Variants in ZNF280D observed in about 807,000 individuals in gnomAD.
The protein encoded by ZNF280D is suppressor of hairy wing homolog 4.
Under a neutral mutation model 94.7 loss-of-function variants are expected in ZNF280D, and 39 were observed. The observed-to-expected ratio is 0.41, with a 90% CI of 0.32 to 0.54. ZNF280D has a LOEUF of 0.54. Among genes scored for constraint, ZNF280D ranks in the 20% least tolerant of loss-of-function variants. ZNF280D has a pLI of 0.22. For synonymous variants in ZNF280D, 398 were observed against 377.6 expected (o/e 1.05, Z -0.63); for missense variants, 1,090 against 1,149.3 (o/e 0.95, Z 0.75).
intron 1 of ZNF280D, among the ~76,000 whole-genome samples, chr15:56,731,706 GT>G (rs1816693399): frequency 6.6e-6 from 1 of 152,096 alleles, no homozygotes; most frequent in Non-Finnish European, 1.5e-5. Flanking sequence ...GGGCTGAACT[GT>G]CATATCCGTA....
intron 6 of ZNF280D, chr15:56,700,232 G>A: frequency 1.1e-6 from 1 of 930,196 alleles, no homozygotes; most frequent in Non-Finnish European, 1.3e-6. Flanking sequence ...TATAAACTAT[G>A]GGTTAGGCTG....
intron 9 of ZNF280D, among the ~76,000 whole-genome samples, chr15:56,686,369 C>T (rs1288380146): frequency 6.6e-6 from 1 of 152,140 alleles, no homozygotes; most frequent in African/African-American, 2.4e-5. Context: ...GAACTCCTGA[C>T]CTCAGGTGAT....
chr15:56,653,196 C>T (rs1275695506), intron 19 of ZNF280D: 1 of 1,059,608 alleles, frequency 9.4e-7, no homozygotes, highest in African/African-American at 1.7e-5. Context: ...TTTTTATATT[C>T]CTTGGACTGC....
At position 56,693,124 on chromosome 15, in the gene ZNF280D, T is replaced by G; in HGVS notation, c.473A>C (p.Gln158Pro). The G allele has an allele frequency of 1.2e-6, 2 of 1,605,620 alleles. No homozygotes were observed. Among genetic ancestry groups the G allele is most frequent in the Non-Finnish European group, 1.7e-6 (2 of 1,175,856 alleles). Residue 158 changes from glutamine to proline, a missense_variant, in exon 7 of 22, where the codon CAA becomes CCA. Transcript: ENST00000267807. ...LTQDTGLSHY[Q>P]GGPTLSMAGM... ...TGCCATAGAAAGTGTTGGTCCCCCT[T>G]GGTAATGTGATAATCCTGTATCCTG...
rs2053840441 is a variant in ZNF280D, at chr15:56,660,198, TTTTG to T, written c.1995-1716_1995-1713del. On this transcript the variant is annotated intron_variant, in intron 16 of 21. Coordinates refer to ENST00000267807, the MANE Select transcript of ZNF280D (RefSeq NM_017661.4). Reference sequence around the variant, plus strand: ...TTTCCTCAGAGAAATAAGTCCAAGATTTTGTTTGATTACTAAAACATGTGAACCA... The same window carrying T: ...TTTCCTCAGAGAAATAAGTCCAAGATTTTGATTACTAAAACATGTGAACCA... 2.6e-5 allele frequency among the ~76,000 whole-genome samples: 4 copies of T among 152,250 alleles called. No individual in the cohort carries two copies. In the South Asian group the frequency reaches 8.3e-4, roughly 32 times the overall value.
chr15:56,727,271 C>G (rs757241451), intron 1 of ZNF280D, among the ~76,000 whole-genome samples: 13 of 151,848 alleles, frequency 8.6e-5, no homozygotes, highest in Non-Finnish European at 1.9e-4. Context: ...ACCAGCCTGG[C>G]CAACATGGCA....
chr15:56,691,442 T>C (rs185793191), intron 7 of ZNF280D, among the ~76,000 whole-genome samples: 1 of 152,308 alleles, frequency 6.6e-6, no homozygotes. Context: ...TCTGATTATA[T>C]AGGAGGCTGG....
At chr15:56,726,891 G>A (rs1567048897) in intron 1 of ZNF280D, among the ~76,000 whole-genome samples, 1 of 152,140 alleles carries the variant, frequency 6.6e-6, no homozygotes. Context: ...AGATTCACAA[G>A]AGAAGAAGCA....
At chr15:56,659,696 C>T (rs1216816286) in intron 16 of ZNF280D, among the ~76,000 whole-genome samples, 3 of 151,886 alleles carry the variant, frequency 2.0e-5, no homozygotes, top group African/African-American at 7.3e-5. Flanking sequence ...AAAATGTAGT[C>T]TTCCCCCACC....
intron 1 of ZNF280D, among the ~76,000 whole-genome samples, chr15:56,722,180 G>A (rs1473367039): frequency 2.6e-5 from 4 of 152,178 alleles, no homozygotes; most frequent in African/African-American, 9.7e-5. Context: ...GCAGTTTGCA[G>A]TGCCCCAAAA....
At chr15:56,647,323 A>G (rs1022806028) in intron 19 of ZNF280D, among the ~76,000 whole-genome samples, 1 of 151,992 alleles carries the variant, frequency 6.6e-6, no homozygotes, top group Non-Finnish European at 1.5e-5. Context: ...AACAAATATG[A>G]CCCCCTCAAA....
intron 1 of ZNF280D, among the ~76,000 whole-genome samples, chr15:56,722,964 A>G (rs1427215397): frequency 2.6e-5 from 4 of 151,866 alleles, no homozygotes; most frequent in Non-Finnish European, 5.9e-5. Context: ...CATTCTCAGT[A>G]AACTATCGCA....
At chr15:56,720,593 G>A (rs554314794) in intron 1 of ZNF280D, among the ~76,000 whole-genome samples, 1 of 152,228 alleles carries the variant, frequency 6.6e-6, no homozygotes, top group Non-Finnish European at 1.5e-5. Flanking sequence ...AGATCCATCA[G>A]AGAAATCATA....
intron 16 of ZNF280D, among the ~76,000 whole-genome samples, chr15:56,666,138 T>C (rs1411960705): frequency 6.6e-6 from 1 of 152,028 alleles, no homozygotes; most frequent in African/African-American, 2.4e-5. Context: ...CTCAAAAAAA[T>C]AAAAAAGAAA....
At chr15:56,641,447 A>C (rs1195399631) in intron 20 of ZNF280D, among the ~76,000 whole-genome samples, 1 of 151,974 alleles carries the variant, frequency 6.6e-6, no homozygotes, top group African/African-American at 2.4e-5. Flanking sequence ...TTAATATTTG[A>C]TAATCATCTT....
chr15:56,669,997 T>TAATATATATATAA (rs1491496939), intron 13 of ZNF280D, among the ~76,000 whole-genome samples: 1 of 676 alleles, frequency 1.5e-3, no homozygotes, highest in Non-Finnish European at 3.2e-3. Flanking sequence ...TATATATATA[T>TAATATATATATAA]TATATATATA....
At position 56,645,754 on chromosome 15, in the gene ZNF280D, T is replaced by C. The variant is rs570051833; in HGVS notation, c.2214-2757A>G. Among the ~76,000 whole-genome samples the C allele has an allele frequency of 2.1e-3, 318 of 152,094 alleles. 1 individual carries two copies. The highest frequency in any genetic ancestry group is 7.5e-3 in the African/African-American group (311 of 41,482). On this transcript the variant is annotated intron_variant, in intron 19 of 21. Transcript: ENST00000267807. ...TAGACACGGGGTTTCATCATATTGG[T>C]CAGGCTGGTCTCGAACTCCTGACCT...
chr15:56,660,736 G>A (rs2053883389), intron 16 of ZNF280D, among the ~76,000 whole-genome samples: 2 of 151,900 alleles, frequency 1.3e-5, no homozygotes, highest in African/African-American at 4.8e-5. Flanking sequence ...AACTCATTAA[G>A]CAATTCTCTA....
chr15:56,697,186 A>G (rs1320255728), intron 6 of ZNF280D, among the ~76,000 whole-genome samples: 1 of 151,504 alleles, frequency 6.6e-6, no homozygotes, highest in Non-Finnish European at 1.5e-5. Context: ...AGGAACACCT[A>G]TTACTTTTTT....
Sources: allele counts gnomAD v4.1 joint callset (sites outside exome capture counted in the v4.1 genomes callset), GRCh38; gene constraint gnomAD v4.1.1; transcripts MANE v1.5; gene names NCBI Gene and HGNC (gene_info 2026-07-23, HGNC 2026-07-21).